The following SPOCD1 variants were observed in gnomAD, a reference collection of about 807,000 sequenced individuals.
SPOCD1 encodes SPOC domain containing 1.
In SPOCD1, 64 loss-of-function variants were observed where a neutral mutation model predicts 92.2. The ratio of observed to expected loss-of-function variants is 0.69; its 90% CI spans 0.57 to 0.86. The LOEUF (loss-of-function observed/expected upper bound fraction) is 0.86. Ranked by LOEUF, SPOCD1 falls within the 40% of genes least tolerant of loss-of-function variation. SPOCD1 has a pLI of 0.00. For missense variants in SPOCD1, 1,360 were observed against 1,543.1 expected (o/e 0.88, Z 1.99); for synonymous variants, 578 against 619.3 (o/e 0.93, Z 0.99).
At chr1:31,812,241 T>C (rs1240071002) in intron 2 of SPOCD1, among the ~76,000 whole-genome samples, 3 of 152,182 alleles carry the variant, frequency 2.0e-5, no homozygotes, top group African/African-American at 4.8e-5. Flanking sequence ...GTTGTTCAGA[T>C]AGTGGCAAAG....
At chr1:31,805,009 TCTCG>T (rs1648725887) in intron 2 of SPOCD1, among the ~76,000 whole-genome samples, 1 of 133,752 alleles carries the variant, frequency 7.5e-6, no homozygotes. Context: ...TGAGATGGAG[TCTCG>T]CTCTGTCACC....
At chr1:31,812,721 A>G (rs1037901486) in intron 2 of SPOCD1, among the ~76,000 whole-genome samples, 1 of 152,220 alleles carries the variant, frequency 6.6e-6, no homozygotes, top group African/African-American at 2.4e-5. Context: ...TATCCAGCAC[A>G]TGTTAAGCAA....
chr1:31,796,327 T>G, intron 10 of SPOCD1: 1 of 557,764 alleles, frequency 1.8e-6, no homozygotes, highest in Non-Finnish European at 3.2e-6. Context: ...ATGATGGGAC[T>G]TAATACCACT....
At chr1:31,793,140 A>G (rs1647725221) in intron 13 of SPOCD1, 138 bp downstream of exon 13, 2 of 1,102,872 alleles carry the variant, frequency 1.8e-6, no homozygotes, top group Non-Finnish European at 2.6e-6. Context: ...ATTTGCCCCC[A>G]TGCCCTGCAC....
At position 31,798,442 on chromosome 1, in the gene SPOCD1, C is replaced by T; in HGVS notation, c.2028G>A (p.Leu676=). The part of the protein sequence containing the change: ...LLFNLRDPRN[L]DLFLKVVHGD... ...CAGCCCAGCCCAAAGCCCTGCTCAC[C>T]AGGTTCCTGGGGTCCCGCAGGTTGA... The change falls in exon 8 of 16, where the codon CTG becomes CTA. Residue 676 remains leucine (L), a splice_region_variant and synonymous_variant. Transcript: ENST00000360482. The surrounding 1 kb of genome is among the most constrained non-coding windows in gnomAD (Gnocchi z 4.1). 1 of 1,606,532 alleles carries T rather than the reference C, an allele frequency of 6.2e-7. No homozygotes were observed. The highest frequency in any genetic ancestry group is 8.5e-7 in the Non-Finnish European group (1 of 1,175,674).
intron 2 of SPOCD1, among the ~76,000 whole-genome samples, chr1:31,804,985 C>CTTTTTCTTTT (rs1553199550): frequency 9.4e-6 from 1 of 105,916 alleles, no homozygotes; most frequent in Non-Finnish European, 1.8e-5. Context: ...TTCTTTCTTT[C>CTTTTTCTTTT]TTTTTTTTTT....
In SPOCD1 at chr1:31,814,291, C is replaced by T. The variant is rs199788661; in HGVS notation, c.1043G>A (p.Arg348Gln). 2.2e-5 allele frequency: 34 copies of T among 1,577,244 alleles called. No individual in the cohort carries two copies. Among genetic ancestry groups the T allele is most frequent in the Non-Finnish European group, 2.7e-5 (31 of 1,158,456 alleles). The change falls in exon 2 of 16, where the codon CGG (arginine) becomes CAG (glutamine). Residue 348 changes from arginine (R) to glutamine (Q), a missense_variant. Transcript: ENST00000360482. The surrounding 1 kb of genome is among the most constrained non-coding windows in gnomAD (Gnocchi z 4.2). ...AGCCTGGCCTTCATCGCTGCCAGTC[C>T]GCACGACACACACAGCTTCTTGCTG... ...AEQQEAVCVV[R>Q]TGSDEGQAPA...
chr1:31,790,507 G>A lies in SPOCD1; in HGVS notation c.*96C>T. 8.7e-7 allele frequency: 1 copy of A among 1,153,652 alleles called. No homozygotes were observed. Among genetic ancestry groups the A allele is most frequent in the Non-Finnish European group, 1.2e-6 (1 of 816,876 alleles). 71.5% of individuals were successfully genotyped at this position (1,153,652 alleles called of 1,614,324 possible). ...AAGTTCAAACAGGGCAGGTGGGTAG[G>A]GCTGACCATCCTCTCCTTGCAGTCC... On this transcript the variant is annotated 3_prime_UTR_variant, in exon 16 of 16. Transcript: ENST00000360482.
At position 31,814,641 on chromosome 1, in the gene SPOCD1, G is replaced by A; in HGVS notation, c.693C>T (p.Ser231=). The A allele has an allele frequency of 6.5e-7, 1 of 1,538,122 alleles. No homozygotes were observed. ...CAGACAGGAGGTTGTCCCCACGAGG[G>A]CTCTGATCAAGCCACAGGAAGTCAC... ...GAGDFLWLDQ[S]PRGDNLLSVG... is the part of the protein sequence containing the mutation. The change falls in exon 2 of 16, where the codon AGC becomes AGT. Residue 231 remains serine (S), a synonymous_variant. Coordinates refer to ENST00000360482, the MANE Select transcript of SPOCD1 (RefSeq NM_144569.7). The surrounding 1 kb of genome is among the most constrained non-coding windows in gnomAD (Gnocchi z 4.2).
intron 12 of SPOCD1, 88 bp downstream of exon 12, chr1:31,793,658 GA>G: frequency 6.2e-7 from 1 of 1,605,214 alleles, no homozygotes; most frequent in Non-Finnish European, 8.5e-7. Flanking sequence ...GGCCACACAG[GA>G]AAAGCCAGTG....
At chr1:31,802,412 G>A (rs1302507714) in intron 2 of SPOCD1, among the ~76,000 whole-genome samples, 2 of 152,140 alleles carry the variant, frequency 1.3e-5, no homozygotes, top group Non-Finnish European at 1.5e-5. Flanking sequence ...AAGAGGATCT[G>A]AAAAGTCCTA....
At chr1:31,804,160 C>T (rs1176416328) in intron 2 of SPOCD1, among the ~76,000 whole-genome samples, 1 of 152,202 alleles carries the variant, frequency 6.6e-6, no homozygotes, top group Non-Finnish European at 1.5e-5. Flanking sequence ...TTAAAATGTG[C>T]TACATCTGTG....
At chr1:31,793,931 G>A (rs1647804576) in intron 11 of SPOCD1, 34 bp from the exon 12 acceptor site, 1 of 1,593,518 alleles carries the variant, frequency 6.3e-7, no homozygotes, top group Non-Finnish European at 8.6e-7. Flanking sequence ...TGAAACAGGG[G>A]CAGCAGCAGC....
chr1:31,795,155 T>C (rs1012594848), intron 10 of SPOCD1: 4 of 152,252 alleles, frequency 2.6e-5, no homozygotes, highest in African/African-American at 9.6e-5. Flanking sequence ...TTAAAGACTC[T>C]TGACGTCTAT....
chr1:31,798,396 C>G lies in SPOCD1; in HGVS notation c.2028+46G>C. On this transcript the variant is annotated intron_variant, in intron 8 of 15. Transcript: ENST00000360482. This position sits in a 1 kb window ranked among gnomAD's most constrained non-coding sequence, Gnocchi z 4.1. Reference sequence around the variant, plus strand: ...CCCACCCTAGCATCCTGCAGGGGCTCTGAGATTCAGAGAGGGGACGCAGCC... The same window carrying G: ...CCCACCCTAGCATCCTGCAGGGGCTGTGAGATTCAGAGAGGGGACGCAGCC... 2 of 1,592,258 alleles carry G rather than the reference C, an allele frequency of 1.3e-6. No individual in the cohort carries two copies. Among genetic ancestry groups the G allele is most frequent in the Non-Finnish European group, 1.7e-6 (2 of 1,167,556 alleles).
At chr1:31,802,025 G>A (rs941823001) in intron 2 of SPOCD1, among the ~76,000 whole-genome samples, 1 of 152,124 alleles carries the variant, frequency 6.6e-6, no homozygotes, top group Non-Finnish European at 1.5e-5. Context: ...AAAATTAGCT[G>A]AGCATGGTGG....
chr1:31,791,027 CCCCTGCCCTGG>C lies in SPOCD1; in HGVS notation c.3216_3226del (p.Ser1072ArgfsTer26), dbSNP rs769234505. On this transcript the variant is annotated frameshift_variant, in exon 16 of 16. Transcript: ENST00000360482. LOFTEE classifies it low-confidence loss of function (END_TRUNC). ...AGAGATTCCCCTTGGAGCTATACTG[CCCCTGCCCTGG>C]CTCTGCTGCCAGGCACCTCCTGGGG... 1.9e-6 allele frequency: 3 copies of C among 1,611,024 alleles called. No homozygotes were observed. The highest frequency in any genetic ancestry group is 2.5e-6 in the Non-Finnish European group (3 of 1,178,948).
intron 10 of SPOCD1, chr1:31,796,175 C>A (rs1648003407): frequency 3.5e-6 from 1 of 289,488 alleles, no homozygotes; most frequent in Non-Finnish European, 6.8e-6. Context: ...GGGTGGTTCC[C>A]TGCCTGGAGC....
Position 31,814,396 on chromosome 1 carries a change from T to A in SPOCD1, c.938A>T (p.Glu313Val), listed in dbSNP as rs1029774672. 6.2e-7 allele frequency: 1 copy of A among 1,608,424 alleles called. No individual in the cohort carries two copies. The highest frequency in any genetic ancestry group is 1.7e-5 in the Admixed American group (1 of 59,688). Residue 313 changes from glutamate (E) to valine (V), a missense_variant, in exon 2 of 16, where the codon GAG becomes GTG. Transcript: ENST00000360482. This position sits in a 1 kb window ranked among gnomAD's most constrained non-coding sequence, Gnocchi z 4.2. ...PVGFPVPSGG[E>V]SLSSAAQAPP... Reference sequence around the variant, plus strand: ...AGCCTGTGCAGCTGAACTGAGGGACTCCCCTCCACTGGGCACTGGGAACCC... The same window carrying A: ...AGCCTGTGCAGCTGAACTGAGGGACACCCCTCCACTGGGCACTGGGAACCC...
Sources: allele counts gnomAD v4.1 joint callset (sites outside exome capture counted in the v4.1 genomes callset), GRCh38; gene constraint gnomAD v4.1.1; non-coding constraint Gnocchi (gnomAD v3.1); transcripts MANE v1.5; gene names NCBI Gene and HGNC (gene_info 2026-07-23, HGNC 2026-07-21).